Variants in NAV2 observed in about 807,000 individuals in gnomAD.
The protein encoded by NAV2 is helicase, APC down-regulated 1.
A neutral mutation model predicts 223.2 loss-of-function variants in NAV2; 54 were observed. That is an observed-to-expected ratio of 0.24 (90% CI 0.19 to 0.30). NAV2 has a LOEUF of 0.30. Among genes scored for constraint, NAV2 ranks in the 10% least tolerant of loss-of-function variants. The pLI, the probability that NAV2 is intolerant of heterozygous loss-of-function variation, is 1.00. For missense variants in NAV2, 2,806 were observed against 3,147.5 expected (o/e 0.89, Z 2.60); for synonymous variants, 1,279 against 1,239.3 (o/e 1.03, Z -0.67).
At chr11:19,808,363 T>C (rs989104305) in intron 1 of NAV2, among the ~76,000 whole-genome samples, 7 of 152,124 alleles carry the variant, frequency 4.6e-5, no homozygotes, top group African/African-American at 1.7e-4. Context: ...AAAGGTCCCA[T>C]TGAGAACTGA....
intron 4 of NAV2, among the ~76,000 whole-genome samples, chr11:19,874,497 A>C (rs2625313): frequency 0.2 from 29,828 of 152,136 alleles, 3,511 homozygotes; most frequent in South Asian, 0.41. Flanking sequence ...TCCTTTTCCA[A>C]AGCCTTGGGG....
intron 1 of NAV2, among the ~76,000 whole-genome samples, chr11:19,590,111 C>T (rs1209460780): frequency 6.6e-6 from 1 of 152,184 alleles, no homozygotes; most frequent in South Asian, 2.1e-4. Flanking sequence ...ACTGTGCCGA[C>T]GTTTTCTCCT....
At chr11:19,906,724 T>C (rs1358879794) in intron 6 of NAV2, among the ~76,000 whole-genome samples, 1 of 152,130 alleles carries the variant, frequency 6.6e-6, no homozygotes, top group Non-Finnish European at 1.5e-5. Context: ...GGCAGGTCGG[T>C]GAAGGGGCAC....
intron 6 of NAV2, among the ~76,000 whole-genome samples, chr11:19,916,373 T>C (rs2043807005): frequency 6.6e-6 from 1 of 152,190 alleles, no homozygotes; most frequent in South Asian, 2.1e-4. Flanking sequence ...AGAAATAGAA[T>C]AACATGCTTT....
At chr11:20,111,432 A>ATGG (rs1284049351) in intron 36 of NAV2, among the ~76,000 whole-genome samples, 1 of 152,196 alleles carries the variant, frequency 6.6e-6, no homozygotes, top group Non-Finnish European at 1.5e-5. Context: ...TTACCACAGT[A>ATGG]CTTACCCAGC....
At chr11:19,937,359 C>CT (rs563793601) in intron 7 of NAV2, among the ~76,000 whole-genome samples, 2 of 151,560 alleles carry the variant, frequency 1.3e-5, no homozygotes, top group East Asian at 1.9e-4. Flanking sequence ...GCTCCCCCCC[C>CT]GCCCACCAAA....
chr11:19,939,190 C>T (rs532587109), intron 7 of NAV2, among the ~76,000 whole-genome samples: 6 of 152,260 alleles, frequency 3.9e-5, no homozygotes, highest in East Asian at 1.9e-4. Context: ...CACCCACTTC[C>T]GACTGGTTTT....
At chr11:20,088,253 C>G (rs2060582713) in intron 26 of NAV2, among the ~76,000 whole-genome samples, 1 of 152,236 alleles carries the variant, frequency 6.6e-6, no homozygotes, top group South Asian at 2.1e-4. Flanking sequence ...TCTTGGCTCA[C>G]TGCAACCTCG....
intron 1 of NAV2, among the ~76,000 whole-genome samples, chr11:19,680,420 T>G (rs1355154785): frequency 2.1e-5 from 3 of 146,066 alleles, no homozygotes; most frequent in Admixed American, 2.0e-4. Flanking sequence ...TTTTTAAGGG[T>G]TTTTTTCCCC....
Position 19,988,437 on chromosome 11 carries a change from C to CA in NAV2, c.2768+4198dup, listed in dbSNP as rs67133572. The stretch of plus-strand genomic sequence containing the variant: ...CATATTACTTCAAACCTTCTAAAGA[C>CA]AAAAAAAACAAATGCTGTGTGGTAA... On this transcript the variant is annotated intron_variant, in intron 11 of 37. Coordinates refer to ENST00000349880, the MANE Select transcript of NAV2 (RefSeq NM_145117.5). Among the ~76,000 whole-genome samples, 11 of 151,818 alleles carry CA rather than the reference C, an allele frequency of 7.2e-5. No homozygotes were observed. The East Asian group carries it at 1.4e-3, about 19-fold the overall frequency.
At chr11:20,028,903 T>C (rs1017623971) in intron 11 of NAV2, among the ~76,000 whole-genome samples, 3 of 152,144 alleles carry the variant, frequency 2.0e-5, no homozygotes, top group African/African-American at 4.8e-5. Flanking sequence ...CAAACTCAAA[T>C]TGCAGGACCA....
At chr11:19,969,207 A>G (rs756226953) in intron 10 of NAV2, among the ~76,000 whole-genome samples, 43 of 152,194 alleles carry the variant, frequency 2.8e-4, no homozygotes, top group Non-Finnish European at 4.9e-4. Flanking sequence ...ATCAAATACA[A>G]TGGGAAATTT....
chr11:19,930,300 T>C (rs1001949500), intron 6 of NAV2, among the ~76,000 whole-genome samples: 3 of 152,212 alleles, frequency 2.0e-5, no homozygotes, highest in African/African-American at 7.2e-5. Context: ...AATTTCTAGC[T>C]GCGATTGTTA....
intron 10 of NAV2, among the ~76,000 whole-genome samples, chr11:19,978,195 C>T (rs1054672644): frequency 6.6e-6 from 1 of 151,888 alleles, no homozygotes; most frequent in African/African-American, 2.4e-5. Context: ...CCTCCTACGA[C>T]CCGGAGTGAA....
At chr11:19,525,959 T>A (rs974524681) in intron 1 of NAV2, among the ~76,000 whole-genome samples, 5 of 152,176 alleles carry the variant, frequency 3.3e-5, no homozygotes, top group African/African-American at 1.2e-4. Flanking sequence ...CGGGGACAGG[T>A]CCCACCTCTC....
At chr11:19,653,709 T>C (rs1590041313) in intron 1 of NAV2, among the ~76,000 whole-genome samples, 1 of 152,360 alleles carries the variant, frequency 6.6e-6, no homozygotes. Context: ...TCATCCTGTA[T>C]ATGAACACAC....
At chr11:19,654,629 C>T (rs1017303559) in intron 1 of NAV2, among the ~76,000 whole-genome samples, 7 of 152,248 alleles carry the variant, frequency 4.6e-5, no homozygotes, top group Admixed American at 3.3e-4. Flanking sequence ...CTGACAAAAA[C>T]AAGAAATGGG....
At chr11:19,823,361 C>T (rs545748998) in intron 1 of NAV2, among the ~76,000 whole-genome samples, 3 of 152,312 alleles carry the variant, frequency 2.0e-5, no homozygotes, top group East Asian at 1.9e-4. Flanking sequence ...GTGCCTACCA[C>T]CATGCCTGGC....
chr11:19,472,015 T>G (rs1395211992), intron 1 of NAV2, among the ~76,000 whole-genome samples: 1 of 152,202 alleles, frequency 6.6e-6, no homozygotes, highest in Non-Finnish European at 1.5e-5. Flanking sequence ...AACGGGTTGC[T>G]TTTAAACTTA....
Sources: allele counts gnomAD v4.1 joint callset (sites outside exome capture counted in the v4.1 genomes callset), GRCh38; gene constraint gnomAD v4.1.1; transcripts MANE v1.5; gene names NCBI Gene and HGNC (gene_info 2026-07-23, HGNC 2026-07-21).